The following MAP3K19 variants were observed in gnomAD, a reference collection of about 807,000 sequenced individuals.
The protein encoded by MAP3K19 is SPS1/STE20-related protein kinase YSK4.
Under a neutral mutation model 114.4 loss-of-function variants are expected in MAP3K19, and 91 were observed. The ratio of observed to expected loss-of-function variants is 0.80; its 90% confidence interval spans 0.67 to 0.95. MAP3K19 has a LOEUF of 0.95. Among genes scored for constraint, MAP3K19 ranks in the 40% least tolerant of loss-of-function variants. The pLI, the probability that MAP3K19 is intolerant of heterozygous loss-of-function variation, is 0.00. For synonymous variants in MAP3K19, 518 were observed against 530.5 expected (o/e 0.98, Z 0.32); for missense variants, 1,471 against 1,573.2 (o/e 0.94, Z 1.10).
At chr2:135,031,005 TAGAA>T (rs1390487690) in intron 2 of MAP3K19, among the ~76,000 whole-genome samples, 1 of 152,166 alleles carries the variant, frequency 6.6e-6, no homozygotes, top group African/African-American at 2.4e-5. Flanking sequence ...CAAGTGTTTC[TAGAA>T]AGAGAGTAAA....
chr2:134,991,916 C>T lies in MAP3K19; in HGVS notation c.575-336G>A, dbSNP rs549975992. Among the ~76,000 whole-genome samples, 182 of 152,242 alleles carry T rather than the reference C, an allele frequency of 1.2e-3. 1 individual carries two copies. The highest frequency in any genetic ancestry group is 4.0e-3 in the African/African-American group (167 of 41,538). On this transcript the variant is annotated intron_variant, in intron 8 of 12. Transcript: ENST00000392915. ...CCTCACAGGGCAACGTGATGAGAGC[C>T]GGGTGTTGACCTGCACAGCTGGCAG...
intron 5 of MAP3K19, among the ~76,000 whole-genome samples, chr2:135,018,281 CAAAAA>C (rs781510594): frequency 3.4e-5 from 2 of 58,288 alleles, no homozygotes; most frequent in African/African-American, 5.7e-5. Context: ...GCAACAACAG[CAAAAA>C]AAAAAAAAAA....
chr2:134,988,224 G>T lies in MAP3K19; in HGVS notation c.648C>A (p.Pro216=). 1 of 1,584,588 alleles carries T rather than the reference G, an allele frequency of 6.3e-7. No individual in the cohort carries two copies. Among genetic ancestry groups the T allele is most frequent in the African/African-American group, 1.4e-5 (1 of 73,752 alleles). Residue 216 remains proline, a synonymous_variant, in exon 10 of 13, where the codon CCC becomes CCA. Coordinates refer to ENST00000392915, the MANE Select transcript of MAP3K19 (RefSeq NM_025052.5). ...KFLLPPLSLL[P]TRSGVLTIPQ... ...GGATAGTAAGGACACCAGATCGCGTGGGCAAGAGTGACAGTGGTGGCAGAA... is the reference window on the plus strand; with the variant it reads ...GGATAGTAAGGACACCAGATCGCGTTGGCAAGAGTGACAGTGGTGGCAGAA...
chr2:134,983,648 C>A, intron 11 of MAP3K19, 28 bp downstream of exon 11: 1 of 1,503,422 alleles, frequency 6.7e-7, no homozygotes. Flanking sequence ...GTGGGGAGTG[C>A]TGATTTCAAG....
At chr2:135,032,550 C>T (rs999244818) in intron 2 of MAP3K19, among the ~76,000 whole-genome samples, 4 of 150,622 alleles carry the variant, frequency 2.7e-5, no homozygotes, top group African/African-American at 9.7e-5. Context: ...GAACCATTTT[C>T]TGTCAATGGA....
intron 5 of MAP3K19, among the ~76,000 whole-genome samples, chr2:135,010,558 T>G (rs1420933719): frequency 1.3e-5 from 2 of 152,202 alleles, no homozygotes; most frequent in East Asian, 3.8e-4. Flanking sequence ...CATTCTAGCC[T>G]GCAGACAACA....
intron 5 of MAP3K19, among the ~76,000 whole-genome samples, chr2:135,011,667 T>C (rs966555026): frequency 9.3e-6 from 1 of 108,094 alleles, no homozygotes; most frequent in Non-Finnish European, 1.6e-5. Flanking sequence ...GAGTTTGATG[T>C]TGTTTGTTTG....
chr2:134,966,429 T>A (rs1214626970), intron 12 of MAP3K19, among the ~76,000 whole-genome samples: 15 of 152,196 alleles, frequency 9.9e-5, no homozygotes. Flanking sequence ...TTTTTTTTAA[T>A]ATTTATAAGT....
chr2:135,012,623 C>T (rs993781384), intron 5 of MAP3K19, among the ~76,000 whole-genome samples: 2 of 151,852 alleles, frequency 1.3e-5, no homozygotes, highest in African/African-American at 4.8e-5. Context: ...TCACCGTTTT[C>T]CTCAGAGGCA....
intron 1 of MAP3K19, among the ~76,000 whole-genome samples, chr2:135,043,617 A>G (rs1177904438): frequency 6.6e-6 from 1 of 152,222 alleles, no homozygotes; most frequent in African/African-American, 2.4e-5. Flanking sequence ...ATTATCACCC[A>G]AAGTCCATAG....
intron 5 of MAP3K19, among the ~76,000 whole-genome samples, chr2:135,015,292 A>T (rs1687507562): frequency 6.6e-6 from 1 of 152,204 alleles, no homozygotes; most frequent in South Asian, 2.1e-4. Flanking sequence ...TTATCTAATG[A>T]CTAAAAGCTG....
intron 6 of MAP3K19, among the ~76,000 whole-genome samples, chr2:135,003,515 T>A (rs1030621890): frequency 6.6e-6 from 1 of 152,058 alleles, no homozygotes; most frequent in Non-Finnish European, 1.5e-5. Context: ...TCTATAAGAT[T>A]TGTGTCTGTT....
At chr2:134,983,638 G>GT in intron 11 of MAP3K19, 38 bp downstream of exon 11, 1 of 1,461,904 alleles carries the variant, frequency 6.8e-7, no homozygotes, top group East Asian at 2.5e-5. Flanking sequence ...CTGTGGGGGG[G>GT]TGGGGAGTGC....
At chr2:135,025,471 T>A (rs977782860) in intron 3 of MAP3K19, among the ~76,000 whole-genome samples, 1 of 145,026 alleles carries the variant, frequency 6.9e-6, no homozygotes, top group Non-Finnish European at 1.5e-5. Flanking sequence ...CTGCAAGCTC[T>A]GCCTCCCGGG....
intron 8 of MAP3K19, among the ~76,000 whole-genome samples, chr2:134,995,217 G>A (rs1428182183): frequency 6.6e-6 from 1 of 151,356 alleles, no homozygotes. Flanking sequence ...TCAGGAGGCT[G>A]AAGAGGGAGA....
intron 4 of MAP3K19, 24 bp from the exon 5 acceptor site, chr2:135,021,854 T>A (rs757729005): frequency 7.0e-7 from 1 of 1,422,430 alleles, no homozygotes; most frequent in Non-Finnish European, 9.7e-7. Context: ...CATAATAGTA[T>A]GTTTTGATAA....
At chr2:135,032,062 A>G (rs1403265165) in intron 2 of MAP3K19, among the ~76,000 whole-genome samples, 2 of 152,050 alleles carry the variant, frequency 1.3e-5, no homozygotes, top group African/African-American at 4.8e-5. Context: ...TCATACCACC[A>G]TTTCTGCTGG....
rs77277850 is a variant in MAP3K19, at chr2:135,040,092, G to A, written c.-284+271C>T. On this transcript the variant is annotated intron_variant, in intron 2 of 12. Transcript: ENST00000392915. The stretch of plus-strand genomic sequence containing the variant: ...GGCGCCATTAGACCATTAGCTCCTC[G>A]GGGGTGGCATCTGTGTTTGATTCAC... Among the ~76,000 whole-genome samples, 457 of 152,224 alleles carry A rather than the reference G, an allele frequency of 3.0e-3. 3 individuals are homozygous for A. The highest frequency in any genetic ancestry group is 0.01 in the African/African-American group (424 of 41,544).
intron 2 of MAP3K19, among the ~76,000 whole-genome samples, chr2:135,033,309 AG>A (rs1352393280): frequency 8.3e-6 from 1 of 120,978 alleles, no homozygotes; most frequent in East Asian, 2.7e-4. Flanking sequence ...ACCTCCCAGT[AG>A]GAGCGGCTGG....
Sources: allele counts gnomAD v4.1 joint callset (sites outside exome capture counted in the v4.1 genomes callset), GRCh38; gene constraint gnomAD v4.1.1; transcripts MANE v1.5; gene names NCBI Gene and HGNC (gene_info 2026-07-23, HGNC 2026-07-21).